The following ARID2 variants were observed in gnomAD, a reference collection of about 807,000 sequenced individuals.
ARID2 encodes the protein AT-rich interactive domain-containing protein 2.
ARID2 carries 32 observed loss-of-function variants against 184.6 expected under a neutral mutation model. The observed-to-expected ratio is 0.17, with a 90% CI of 0.13 to 0.23. ARID2 has a LOEUF of 0.23. ARID2 is among the 10% of genes least tolerant of loss of function. ARID2 has a pLI of 1.00. For missense variants in ARID2, 1,696 were observed against 2,197.6 expected, an observed-to-expected ratio of 0.77 and a Z score of 4.56; for synonymous variants, 836 against 772.6, an observed-to-expected ratio of 1.08 and a Z score of -1.36.
At chr12:45,773,942 G>A (rs1307726028) in intron 3 of ARID2, among the ~76,000 whole-genome samples, 1 of 152,122 alleles carries the variant, frequency 6.6e-6, no homozygotes, top group African/African-American at 2.4e-5. Flanking sequence ...ATAGCAGTAA[G>A]TTATTTATCT....
At chr12:45,819,035 C>CA in intron 5 of ARID2, among the ~76,000 whole-genome samples, 1 of 152,164 alleles carries the variant, frequency 6.6e-6, no homozygotes, top group African/African-American at 2.4e-5. Flanking sequence ...TTTGATCTTC[C>CA]AAATACAACT....
rs1015373582 is a variant in ARID2 at position 45,731,261 on chromosome 12, C to G, written c.231C>G (p.Asn77Lys). Residue 77 changes from asparagine (N) to lysine (K), a missense_variant, in exon 3 of 21, where the codon AAC becomes AAG. By Grantham distance (94) the Asn-to-Lys change is moderately conservative. Transcript: ENST00000334344. ...NQWGEIVEEF[N>K]FPRSCSNAAF... ...GGGGAGAAATTGTTGAAGAGTTCAA[C>G]TTTCCCAGAAGTTGTTCTAACGCTG... The G allele has an allele frequency of 1.5e-5, 25 of 1,614,064 alleles. No individual in the cohort carries two copies. The highest frequency in any genetic ancestry group is 2.1e-5 in the Non-Finnish European group (25 of 1,179,966).
chr12:45,861,580 C>CTTTTTTTTTTTTTTTTTTT (rs11303020), intron 16 of ARID2, among the ~76,000 whole-genome samples: 1 of 97,006 alleles, frequency 1.0e-5, no homozygotes, highest in Non-Finnish European at 2.0e-5. Flanking sequence ...AGGCATTTGT[C>CTTTTTTTTTTTTTTTTTTT]TTTTTTTTTT....
Position 45,883,049 on chromosome 12 carries a change from G to T in ARID2, c.4923-8731G>T, listed in dbSNP as rs188174671. On this transcript the variant is annotated intron_variant, in intron 16 of 20. Transcript: ENST00000334344. Reference sequence around the variant, plus strand: ...TTGATAAAATATTTTGTGTGAGAGCGCTAAAATACTAGATATTTTGCTAAT... The same window carrying T: ...TTGATAAAATATTTTGTGTGAGAGCTCTAAAATACTAGATATTTTGCTAAT... 1.8e-4 allele frequency among the ~76,000 whole-genome samples: 28 copies of T among 152,138 alleles called. 1 individual carries two copies. The highest frequency in any genetic ancestry group is 7.2e-4 in the Admixed American group (11 of 15,288).
At position 45,851,488 on chromosome 12, in the gene ARID2, T is replaced by C. The variant is rs1476958272; in HGVS notation, c.3365T>C (p.Val1122Ala). The change falls in exon 15 of 21, where the codon GTT becomes GCT. Residue 1122 changes from valine to alanine, a missense_variant. Val to Ala is a moderately conservative substitution (Grantham distance 64). Around this residue, in one of 11 missense-constraint regions of ARID2, gnomAD observed 713 missense variants for 824.4 expected, o/e 0.86. Transcript: ENST00000334344. ...CAAACTCCAGCTCAGCAGCTATTGG[T>C]TGGGCAGCAAAATGTTCAGTTGGTC... ...QGQTPAQQLL[V>A]GQQNVQLVPS... 1 of 1,613,938 alleles carries C rather than the reference T, an allele frequency of 6.2e-7. No homozygotes were observed. Among genetic ancestry groups the C allele is most frequent in the Non-Finnish European group, 8.5e-7 (1 of 1,179,998 alleles).
chr12:45,747,950 C>A (rs1178379288), intron 3 of ARID2, among the ~76,000 whole-genome samples: 1 of 152,086 alleles, frequency 6.6e-6, no homozygotes, highest in African/African-American at 2.4e-5. Flanking sequence ...TTCCAGACCA[C>A]CACATTAATA....
chr12:45,846,783 T>C, intron 11 of ARID2, 73 bp from the exon 12 acceptor site: 3 of 1,395,406 alleles, frequency 2.1e-6, no homozygotes, highest in Non-Finnish European at 2.0e-6. Flanking sequence ...GGGTTCAATA[T>C]CCATAAAAAA....
chr12:45,862,849 T>G (rs2138194697), intron 16 of ARID2, among the ~76,000 whole-genome samples: 1 of 152,254 alleles, frequency 6.6e-6, no homozygotes, highest in East Asian at 1.9e-4. Context: ...TTGCTAGTCT[T>G]TTCTAAACAA....
intron 3 of ARID2, among the ~76,000 whole-genome samples, chr12:45,747,257 G>GT (rs1175004946): frequency 2.6e-5 from 4 of 152,060 alleles, no homozygotes; most frequent in African/African-American, 9.7e-5. Flanking sequence ...GTATCTTTTT[G>GT]TAATAACGTG....
chr12:45,876,247 A>G, intron 16 of ARID2, among the ~76,000 whole-genome samples: 1 of 152,206 alleles, frequency 6.6e-6, no homozygotes. Flanking sequence ...TCAATGGAGT[A>G]CTCAAAAGAC....
At chr12:45,886,760 C>T (rs1219299759) in intron 16 of ARID2, among the ~76,000 whole-genome samples, 1 of 152,220 alleles carries the variant, frequency 6.6e-6, no homozygotes, top group Non-Finnish European at 1.5e-5. Context: ...GGGATTTGCA[C>T]TCTCTGAAGC....
chr12:45,808,732 C>CGTGTGT (rs1218516221), intron 3 of ARID2, among the ~76,000 whole-genome samples: 7 of 146,488 alleles, frequency 4.8e-5, no homozygotes, highest in African/African-American at 1.5e-4. Flanking sequence ...TGTGTGTTTG[C>CGTGTGT]GTGCGTGTGT....
intron 3 of ARID2, chr12:45,789,734 A>G (rs1036557565): frequency 6.6e-6 from 1 of 152,166 alleles, no homozygotes; most frequent in African/African-American, 2.4e-5. Flanking sequence ...AGTACTTACA[A>G]GTTTTTCGGA....
chr12:45,847,370 C>T (rs1202626341), intron 12 of ARID2, among the ~76,000 whole-genome samples: 1 of 151,924 alleles, frequency 6.6e-6, no homozygotes, highest in Non-Finnish European at 1.5e-5. Context: ...TAAAACAAAA[C>T]TTCTTATTCT....
intron 3 of ARID2, 112 bp from the exon 4 acceptor site, chr12:45,811,306 T>C (rs1942703739): frequency 8.5e-7 from 1 of 1,182,662 alleles, no homozygotes; most frequent in African/African-American, 1.5e-5. Flanking sequence ...ATGGTATTTT[T>C]ATTAATTTTT....
chr12:45,812,764 A>G (rs1942732404), intron 4 of ARID2, among the ~76,000 whole-genome samples: 1 of 152,224 alleles, frequency 6.6e-6, no homozygotes, highest in Admixed American at 6.5e-5. Context: ...ATACTCCTAC[A>G]TCGAATGAGA....
In ARID2 at chr12:45,737,550, T is replaced by A. The variant is rs573458396; in HGVS notation, c.284+6236T>A. Among the ~76,000 whole-genome samples, 4 of 151,610 alleles carry A rather than the reference T, an allele frequency of 2.6e-5. No homozygotes were observed. In the East Asian group the frequency reaches 5.8e-4, roughly 22 times the overall value. On this transcript the variant is annotated intron_variant, in intron 3 of 20. Coordinates refer to ENST00000334344, the MANE Select transcript of ARID2 (RefSeq NM_152641.4). ...TTCAGATTTAATATTTTAGGCATAC[T>A]TGATAGGTACTGCTGTGCTTTTCAT... is the stretch of plus-strand genomic sequence containing the variant.
chr12:45,738,804 T>TTTTTTTTTTC (rs1941182909), intron 3 of ARID2, among the ~76,000 whole-genome samples: 1 of 141,698 alleles, frequency 7.1e-6, no homozygotes, highest in Non-Finnish European at 1.5e-5. Context: ...TTTTTTTTTT[T>TTTTTTTTTTC]TTTTTTTTTA....
At position 45,852,562 on chromosome 12, in the gene ARID2, G is replaced by C. The variant is rs2138179704; in HGVS notation, c.4439G>C (p.Gly1480Ala). 6.2e-7 allele frequency: 1 copy of C among 1,614,152 alleles called. No homozygotes were observed. The highest frequency in any genetic ancestry group is 8.5e-7 in the Non-Finnish European group (1 of 1,180,012). ...CATTCTACAACCTCTGTTATACAGG[G>C]ACATCAAATCATAGCAGTTCCCGAC... ...SPHSTTSVIQ[G>A]HQIIAVPDSG... The change falls in exon 15 of 21, where the codon GGA (glycine) becomes GCA (alanine). Residue 1480 changes from glycine (G) to alanine (A), a missense_variant. Gly to Ala is a moderately conservative substitution (Grantham distance 60, BLOSUM62 0). Around this residue, in one of 11 missense-constraint regions of ARID2, gnomAD observed 428 missense variants for 409.1 expected, o/e 1.05. Transcript: ENST00000334344.
Sources: gnomAD v4.1 joint callset for allele counts (sites outside exome capture counted in the v4.1 genomes callset) on GRCh38, gnomAD v4.1.1 for gene constraint, gnomAD v4.1.1 regional missense constraint, MANE v1.5 for transcripts, NCBI Gene and HGNC (gene_info 2026-07-23, HGNC 2026-07-21) for gene names.